Variants in CSMD1 observed in about 807,000 individuals in gnomAD.
CSMD1 encodes the protein CUB and sushi domain-containing protein 1.
Under a neutral mutation model 417.5 loss-of-function variants are expected in CSMD1, and 213 were observed. The ratio of observed to expected loss-of-function variants is 0.51; its 90% CI spans 0.46 to 0.57. The LOEUF (loss-of-function observed/expected upper bound fraction) is 0.57, where lower values mean the gene tolerates loss of function less well. CSMD1 is among the 20% of genes least tolerant of loss of function. The pLI is 0.00. For synonymous variants in CSMD1, 2,862 were observed against 1,736.8 expected (o/e 1.65, Z -16.11); for missense variants, 6,923 against 4,529.7 (o/e 1.53, Z -15.17).
intron 1 of CSMD1, among the ~76,000 whole-genome samples, chr8:4,784,863 T>G (rs1797318504): frequency 6.6e-6 from 1 of 152,186 alleles, no homozygotes; most frequent in Non-Finnish European, 1.5e-5. Flanking sequence ...TAAAACTAAA[T>G]TTGCTGAGGT....
chr8:3,075,878 A>G (rs1166386331), intron 49 of CSMD1, among the ~76,000 whole-genome samples: 4 of 148,784 alleles, frequency 2.7e-5, no homozygotes, highest in Non-Finnish European at 5.9e-5. Flanking sequence ...TGTCTCTACT[A>G]AAAATACAAA....
chr8:3,208,478 G>A (rs1488331925), intron 30 of CSMD1, among the ~76,000 whole-genome samples: 1 of 152,160 alleles, frequency 6.6e-6, no homozygotes, highest in African/African-American at 2.4e-5. Context: ...TGTTGGCTAG[G>A]ATGGTCTGGA....
At chr8:4,126,467 T>A (rs901452346) in intron 3 of CSMD1, among the ~76,000 whole-genome samples, 3 of 152,134 alleles carry the variant, frequency 2.0e-5, no homozygotes, top group Non-Finnish European at 4.4e-5. Flanking sequence ...TTTCACTTGC[T>A]TAACCTGTGC....
intron 26 of CSMD1, among the ~76,000 whole-genome samples, chr8:3,248,968 G>A (rs1800077701): frequency 6.6e-6 from 1 of 152,040 alleles, no homozygotes; most frequent in Non-Finnish European, 1.5e-5. Context: ...ACCTCGGTCT[G>A]CTTTTACCTT....
rs1192054326 is a variant in CSMD1 at position 4,441,411 on chromosome 8, C to A, written c.303-21346G>T. ...CACAGGCATGAGCCAACTCACCCAG[C>A]CCCAGAAGTCATCTTTAAGATTACT... On this transcript the variant is annotated intron_variant, in intron 2 of 69. Coordinates refer to ENST00000635120, the MANE Select transcript of CSMD1 (RefSeq NM_033225.6). Among the ~76,000 whole-genome samples, 8 of 151,480 alleles carry A rather than the reference C, an allele frequency of 5.3e-5. No individual in the cohort carries two copies. The South Asian group carries it at 1.0e-3, about 20-fold the overall frequency.
intron 1 of CSMD1, among the ~76,000 whole-genome samples, chr8:4,968,722 C>A (rs538391544): frequency 1.9e-4 from 29 of 152,142 alleles, no homozygotes; most frequent in Admixed American, 3.9e-4. Flanking sequence ...AGCAGATAAA[C>A]GTTTGCTGGT....
intron 3 of CSMD1, among the ~76,000 whole-genome samples, chr8:4,152,090 A>G (rs922208363): frequency 1.3e-5 from 2 of 152,170 alleles, no homozygotes; most frequent in Non-Finnish European, 1.5e-5. Flanking sequence ...CCCAAAGTCC[A>G]GATTTATATG....
chr8:3,782,275 C>A (rs2129063287), intron 5 of CSMD1, among the ~76,000 whole-genome samples: 1 of 152,298 alleles, frequency 6.6e-6, no homozygotes, highest in South Asian at 2.1e-4. Flanking sequence ...TAATGATACT[C>A]ATTGACTTGC....
chr8:3,687,444 A>G (rs1478324274), intron 7 of CSMD1, among the ~76,000 whole-genome samples: 1 of 152,234 alleles, frequency 6.6e-6, no homozygotes, highest in African/African-American at 2.4e-5. Context: ...TAAATTATGG[A>G]AGCAGAGCCT....
At chr8:3,811,860 C>A (rs1345211224) in intron 5 of CSMD1, among the ~76,000 whole-genome samples, 3 of 152,152 alleles carry the variant, frequency 2.0e-5, no homozygotes, top group Non-Finnish European at 4.4e-5. Context: ...TTTTGTCTTA[C>A]TTAAGCCACT....
intron 3 of CSMD1, among the ~76,000 whole-genome samples, chr8:4,105,741 G>A (rs936418070): frequency 3.9e-5 from 6 of 152,166 alleles, no homozygotes; most frequent in African/African-American, 1.4e-4. Flanking sequence ...TTTCTGGATC[G>A]TAGTAAACAT....
chr8:3,415,113 A>C (rs1481667239), intron 12 of CSMD1, among the ~76,000 whole-genome samples: 1 of 152,224 alleles, frequency 6.6e-6, no homozygotes, highest in Non-Finnish European at 1.5e-5. Flanking sequence ...ACTCACATTT[A>C]CATACTAAAT....
At chr8:4,718,697 C>T (rs1453824533) in intron 1 of CSMD1, among the ~76,000 whole-genome samples, 1 of 151,790 alleles carries the variant, frequency 6.6e-6, no homozygotes, top group Non-Finnish European at 1.5e-5. Flanking sequence ...CAATAGGTGA[C>T]AGGAAGTAAA....
Position 4,225,605 on chromosome 8 carries a change from T to C in CSMD1, c.416-193506A>G, listed in dbSNP as rs185931928. On this transcript the variant is annotated intron_variant, in intron 3 of 69. Transcript: ENST00000635120. ...TCACATTTTTATTTGGGAGGAAATA[T>C]GCTGTTGTCCATTTTCCTGTCTGAT... is the stretch of plus-strand genomic sequence containing the variant. Among the ~76,000 whole-genome samples the C allele has an allele frequency of 3.1e-3, 476 of 152,122 alleles. 8 individuals carry two copies. The highest frequency in any genetic ancestry group is 0.029 in the Admixed American group (444 of 15,276).
At chr8:3,940,471 AT>A (rs1217480884) in intron 5 of CSMD1, among the ~76,000 whole-genome samples, 3 of 151,276 alleles carry the variant, frequency 2.0e-5, no homozygotes, top group Non-Finnish European at 4.4e-5. Flanking sequence ...AATTCAGTAT[AT>A]TCAGTAAAAT....
intron 15 of CSMD1, among the ~76,000 whole-genome samples, chr8:3,402,959 T>C (rs911314829): frequency 2.0e-5 from 3 of 152,196 alleles, no homozygotes; most frequent in African/African-American, 4.8e-5. Context: ...TTGTTTCTCA[T>C]AGAAAGTACT....
At chr8:4,357,002 A>G (rs767833872) in intron 3 of CSMD1, among the ~76,000 whole-genome samples, 1 of 152,254 alleles carries the variant, frequency 6.6e-6, no homozygotes, top group Non-Finnish European at 1.5e-5. Context: ...TATGAAGATA[A>G]ACGAATTTCA....
intron 5 of CSMD1, among the ~76,000 whole-genome samples, chr8:3,770,174 C>T (rs771995612): frequency 7.2e-5 from 11 of 152,218 alleles, no homozygotes; most frequent in African/African-American, 2.7e-4. Context: ...CACACTCATA[C>T]AGGTCCCTCT....
chr8:3,000,988 C>T lies in CSMD1; in HGVS notation c.8030-857G>A, dbSNP rs528269163. ...TCCACTCACTCCCACCATTTTTTTT[C>T]TTTTTTTTTTTGGCAGGGTCTTGCT... On this transcript the variant is annotated intron_variant, in intron 52 of 69. Coordinates refer to ENST00000635120, the MANE Select transcript of CSMD1 (RefSeq NM_033225.6). 1.5e-3 allele frequency among the ~76,000 whole-genome samples: 222 copies of T among 145,768 alleles called. 2 individuals carry two copies. The highest frequency in any genetic ancestry group is 5.1e-3 in the African/African-American group (201 of 39,738).
Sources: gnomAD v4.1 joint callset for allele counts (sites outside exome capture counted in the v4.1 genomes callset) on GRCh38, gnomAD v4.1.1 for gene constraint, MANE v1.5 for transcripts, NCBI Gene and HGNC (gene_info 2026-07-23, HGNC 2026-07-21) for gene names.